C1QTNF3: variants seen among roughly 807,000 people sequenced by gnomAD.
The protein encoded by C1QTNF3 is complement C1q tumor necrosis factor-related protein 3.
A neutral mutation model predicts 32.6 loss-of-function variants in C1QTNF3; 26 were observed. That is an observed-to-expected ratio of 0.80 (90% CI 0.58 to 1.11). The LOEUF (loss-of-function observed/expected upper bound fraction) is 1.11, where lower values mean the gene tolerates loss of function less well. Among genes scored for constraint, C1QTNF3 ranks in the 50% least tolerant of loss-of-function variants. The pLI, the probability that C1QTNF3 is intolerant of heterozygous loss-of-function variation, is 0.00. For synonymous variants in C1QTNF3, 155 were observed against 146.0 expected (o/e 1.06, Z -0.44); for missense variants, 362 against 398.2 (o/e 0.91, Z 0.77).
chr5:34,039,042 T>C (rs1041191530), intron 1 of C1QTNF3, among the ~76,000 whole-genome samples: 13 of 152,194 alleles, frequency 8.5e-5, no homozygotes, highest in Non-Finnish European at 1.9e-4. Flanking sequence ...GGCTCAAGCA[T>C]GTGCATTAAG....
At chr5:34,130,150 C>CAT in the C1QTNF3 span, among the ~76,000 whole-genome samples, 2 of 150,564 alleles carry the variant, frequency 1.3e-5, no homozygotes, top group African/African-American at 5.0e-5. Flanking sequence ...CACACACACA[C>CAT]ATACATACAT....
At chr5:34,195,803 G>C in the C1QTNF3 span, among the ~76,000 whole-genome samples, 2 of 151,360 alleles carry the variant, frequency 1.3e-5, no homozygotes, top group African/African-American at 4.9e-5. Context: ...TTGTGCCACT[G>C]CACTCCAGCC....
At chr5:34,147,787 C>A in the C1QTNF3 span, among the ~76,000 whole-genome samples, 1 of 152,180 alleles carries the variant, frequency 6.6e-6, no homozygotes, top group Non-Finnish European at 1.5e-5. Context: ...GTGTAACAGA[C>A]TTGTATATGT....
At chr5:34,082,623 T>C in the C1QTNF3 span, among the ~76,000 whole-genome samples, 2 of 151,760 alleles carry the variant, frequency 1.3e-5, no homozygotes, top group Admixed American at 6.6e-5. Flanking sequence ...TTCTGGTCAA[T>C]AGACTTCTGT....
the C1QTNF3 span, among the ~76,000 whole-genome samples, chr5:34,162,390 C>T: frequency 2.0e-5 from 3 of 152,114 alleles, no homozygotes; most frequent in African/African-American, 7.2e-5. Context: ...GGGCAGAACT[C>T]TCATAATTTA....
chr5:34,054,035 C>A, the C1QTNF3 span, among the ~76,000 whole-genome samples: 1 of 152,198 alleles, frequency 6.6e-6, no homozygotes, highest in South Asian at 2.1e-4. Flanking sequence ...TATGGAAAGA[C>A]CTGGCGTTGG....
At chr5:34,223,196 C>T in the C1QTNF3 span, among the ~76,000 whole-genome samples, 1,314 of 128,396 alleles carry the variant, frequency 0.01, 26 homozygotes, top group African/African-American at 0.036. Context: ...CAGTCCCCAG[C>T]GTGTGGTGTT....
the C1QTNF3 span, among the ~76,000 whole-genome samples, chr5:34,108,780 TAA>T: frequency 6.8e-6 from 1 of 147,950 alleles, no homozygotes; most frequent in Admixed American, 6.8e-5. Flanking sequence ...AGAACAATAA[TAA>T]AAAAGTCAGG....
chr5:34,108,098 C>T, the C1QTNF3 span, among the ~76,000 whole-genome samples: 3 of 152,150 alleles, frequency 2.0e-5, no homozygotes, highest in Non-Finnish European at 2.9e-5. Context: ...CCCATGGCAA[C>T]TAGAAATCTA....
the C1QTNF3 span, among the ~76,000 whole-genome samples, chr5:34,143,936 A>C: frequency 6.6e-6 from 1 of 152,176 alleles, no homozygotes; most frequent in African/African-American, 2.4e-5. Flanking sequence ...TATCAATACT[A>C]ACCTTGAGTT....
chr5:34,162,011 C>T, the C1QTNF3 span, among the ~76,000 whole-genome samples: 3 of 152,006 alleles, frequency 2.0e-5, no homozygotes, highest in Admixed American at 2.0e-4. Flanking sequence ...TCCTTCATTA[C>T]ATAAAGTTAG....
chr5:34,218,094 A>G, the C1QTNF3 span, among the ~76,000 whole-genome samples: 1 of 151,420 alleles, frequency 6.6e-6, no homozygotes, highest in South Asian at 2.1e-4. Context: ...CAATCAACAA[A>G]TAAGAATAAA....
the C1QTNF3 span, among the ~76,000 whole-genome samples, chr5:34,054,513 A>G: frequency 6.6e-6 from 1 of 152,202 alleles, no homozygotes; most frequent in African/African-American, 2.4e-5. Context: ...GAAATGAATG[A>G]GCCGGGCTGT....
the C1QTNF3 span, among the ~76,000 whole-genome samples, chr5:34,197,086 C>T: frequency 2.0e-5 from 3 of 152,308 alleles, no homozygotes; most frequent in Non-Finnish European, 4.4e-5. Flanking sequence ...AAGACTCTTA[C>T]TGCCTCATAA....
At chr5:34,210,007 G>A in the C1QTNF3 span, among the ~76,000 whole-genome samples, 1 of 152,044 alleles carries the variant, frequency 6.6e-6, no homozygotes, top group Non-Finnish European at 1.5e-5. Context: ...TCTAATATTA[G>A]ATGAAAAGTT....
At chr5:34,209,819 G>A in the C1QTNF3 span, among the ~76,000 whole-genome samples, 4 of 151,984 alleles carry the variant, frequency 2.6e-5, no homozygotes, top group African/African-American at 9.7e-5. Context: ...TCTCTTAAAC[G>A]CTCTGATATT....
the C1QTNF3 span, among the ~76,000 whole-genome samples, chr5:34,220,308 A>G: frequency 6.6e-6 from 1 of 152,104 alleles, no homozygotes; most frequent in African/African-American, 2.4e-5. Context: ...GCAAATGTAA[A>G]AATGTGTTTT....
chr5:34,047,118 T>A (rs1355166589), upstream of C1QTNF3, among the ~76,000 whole-genome samples: 1 of 152,204 alleles, frequency 6.6e-6, no homozygotes, highest in African/African-American at 2.4e-5. Context: ...CCAGGCAACC[T>A]CCCTGGAGGT....
chr5:34,023,001 G>A (rs927790414), intron 5 of C1QTNF3, among the ~76,000 whole-genome samples: 1 of 152,150 alleles, frequency 6.6e-6, no homozygotes, highest in African/African-American at 2.4e-5. Context: ...GACTACAGGC[G>A]CCTGCCACCA....
Sources: gnomAD v4.1 joint callset for allele counts (sites outside exome capture counted in the v4.1 genomes callset) on GRCh38, gnomAD v4.1.1 for gene constraint, MANE v1.5 for transcripts, NCBI Gene and HGNC (gene_info 2026-07-23, HGNC 2026-07-21) for gene names.